Variants in DNAI4 observed in about 807,000 individuals in gnomAD.
DNAI4 encodes WD repeat domain 78.
A neutral mutation model predicts 105.8 loss-of-function variants in DNAI4; 85 were observed. The ratio of observed to expected loss-of-function variants is 0.80; its 90% CI spans 0.67 to 0.96. The LOEUF (loss-of-function observed/expected upper bound fraction) is 0.96, where lower values mean the gene tolerates loss of function less well. DNAI4 is among the 40% of genes least tolerant of loss of function. DNAI4 has a pLI of 0.00. For missense variants in DNAI4, 1,014 were observed against 1,005.6 expected, an observed-to-expected ratio of 1.01 and a Z score of -0.11; for synonymous variants, 352 against 331.5, an observed-to-expected ratio of 1.06 and a Z score of -0.67.
chr1:66,819,798 A>T (rs1490819211), intron 16 of DNAI4, among the ~76,000 whole-genome samples: 1 of 152,144 alleles, frequency 6.6e-6, no homozygotes, highest in Non-Finnish European at 1.5e-5. Context: ...AAATTTTCAA[A>T]CAACTCAAAC....
chr1:66,875,053 C>G, intron 4 of DNAI4, 116 bp from the exon 5 acceptor site: 1 of 1,002,724 alleles, frequency 1.0e-6, no homozygotes, highest in Non-Finnish European at 1.4e-6. Flanking sequence ...TTTATATAGT[C>G]AAGGAACAGG....
At chr1:66,905,076 A>T in intron 2 of DNAI4, 125 bp downstream of exon 2, 1 of 762,578 alleles carries the variant, frequency 1.3e-6, no homozygotes, top group Non-Finnish European at 1.9e-6. Context: ...GGTAAAAATT[A>T]ACAAAATCAG....
intron 13 of DNAI4, 88 bp from the exon 14 acceptor site, chr1:66,827,998 A>T: frequency 1.2e-6 from 1 of 807,538 alleles, no homozygotes; most frequent in Non-Finnish European, 1.9e-6. Flanking sequence ...GATCTATTAA[A>T]ATCAATTCAA....
chr1:66,868,475 G>A (rs1646776459), intron 6 of DNAI4, among the ~76,000 whole-genome samples: 1 of 152,166 alleles, frequency 6.6e-6, no homozygotes, highest in African/African-American at 2.4e-5. Context: ...TCTCTCCAAT[G>A]TGGTGGGCAT....
At chr1:66,830,978 A>C (rs1025723285) in intron 13 of DNAI4, among the ~76,000 whole-genome samples, 6 of 145,458 alleles carry the variant, frequency 4.1e-5, no homozygotes, top group Admixed American at 4.1e-4. Flanking sequence ...CTCTGTCACA[A>C]AAAAAAAAAA....
chr1:66,817,053 G>A (rs771867513), intron 16 of DNAI4, among the ~76,000 whole-genome samples: 15 of 151,768 alleles, frequency 9.9e-5, no homozygotes, highest in Non-Finnish European at 1.8e-4. Context: ...TTTTTTAAAT[G>A]TATTCAAAAT....
chr1:66,902,086 G>C (rs1374697016), intron 2 of DNAI4, among the ~76,000 whole-genome samples: 1 of 152,118 alleles, frequency 6.6e-6, no homozygotes, highest in Non-Finnish European at 1.5e-5. Flanking sequence ...TCCTGCCTCA[G>C]CTTCTCAAAG....
intron 15 of DNAI4, among the ~76,000 whole-genome samples, chr1:66,823,467 C>G (rs1159351476): frequency 6.7e-6 from 1 of 150,042 alleles, no homozygotes; most frequent in Admixed American, 6.6e-5. Context: ...AGTTCTAGAT[C>G]CCTGAGGAAT....
intron 2 of DNAI4, among the ~76,000 whole-genome samples, chr1:66,895,603 A>C (rs180708165): frequency 6.6e-6 from 1 of 151,972 alleles, no homozygotes; most frequent in Admixed American, 6.5e-5. Context: ...TTTCTTACCA[A>C]TTTGAACTGA....
intron 6 of DNAI4, among the ~76,000 whole-genome samples, chr1:66,866,220 T>C (rs191784605): frequency 2.6e-4 from 39 of 151,572 alleles, no homozygotes; most frequent in Admixed American, 2.2e-3. Flanking sequence ...GGCAGGAGAA[T>C]CACTCGAATC....
At chr1:66,864,382 C>T (rs1401382742) in intron 6 of DNAI4, among the ~76,000 whole-genome samples, 1 of 152,018 alleles carries the variant, frequency 6.6e-6, no homozygotes, top group African/African-American at 2.4e-5. Context: ...AGAAAAGAAG[C>T]ATTCCAAACT....
At position 66,847,567 on chromosome 1, in the gene DNAI4, T is replaced by A; in HGVS notation, c.1208A>T (p.Asp403Val). The A allele has an allele frequency of 6.2e-7, 1 of 1,614,022 alleles. No homozygotes were observed. Among genetic ancestry groups the A allele is most frequent in the South Asian group, 1.1e-5 (1 of 91,052 alleles). Residue 403 changes from aspartate (D) to valine (V), a missense_variant, in exon 8 of 17, where the codon GAC (aspartate) becomes GTC (valine). Asp to Val is a radical substitution (Grantham distance 152). Transcript: ENST00000371026. ...CAGAACCCGTTCCATAAAAAATAAG[T>A]CCTGATGAAATTTGTCAGATTTTAA... ...AILKSDKFHQDLFFMERVLME... is the reference protein window; with the variant it reads ...AILKSDKFHQVLFFMERVLME...
At chr1:66,862,947 C>A (rs2100611513) in intron 6 of DNAI4, among the ~76,000 whole-genome samples, 1 of 152,270 alleles carries the variant, frequency 6.6e-6, no homozygotes, top group South Asian at 2.1e-4. Flanking sequence ...CATCTGATTC[C>A]ATTTTTATCA....
At chr1:66,836,256 GAAAGAAAGAAAGAAA>G (rs1646008745) in intron 10 of DNAI4, among the ~76,000 whole-genome samples, 4 of 14,128 alleles carry the variant, frequency 2.8e-4, no homozygotes, top group African/African-American at 7.4e-4. Flanking sequence ...GAGAGAGAGA[GAAAGAAAGAAAGAAA>G]GAAAGAAAGA....
chr1:66,887,238 T>A (rs1427138651), intron 4 of DNAI4, among the ~76,000 whole-genome samples: 3 of 152,192 alleles, frequency 2.0e-5, no homozygotes, highest in Non-Finnish European at 4.4e-5. Context: ...GTTCCTCCAG[T>A]TTATGGTAAG....
chr1:66,835,799 T>G, intron 10 of DNAI4, 22 bp from the exon 11 acceptor site: 8 of 1,569,806 alleles, frequency 5.1e-6, no homozygotes, highest in South Asian at 1.1e-5. Context: ...AAAATTACAT[T>G]TTCAATTTGT....
At chr1:66,896,272 T>G (rs1648331313) in intron 2 of DNAI4, among the ~76,000 whole-genome samples, 1 of 152,248 alleles carries the variant, frequency 6.6e-6, no homozygotes, top group Admixed American at 6.5e-5. Context: ...AAAGCTTTTT[T>G]ACATTTTACC....
In DNAI4 at chr1:66,837,136, C is replaced by T. The variant is rs1010351648; in HGVS notation, c.1581+574G>A. ...ATCCCAGCACTTTGGGAAGCCAAGG[C>T]GGCTGGATCATGAGGTCAAGAGATC... On this transcript the variant is annotated intron_variant, in intron 10 of 16. Transcript: ENST00000371026. 2.6e-5 allele frequency among the ~76,000 whole-genome samples: 4 copies of T among 152,034 alleles called. No individual in the cohort carries two copies. The South Asian group carries it at 8.3e-4, about 31-fold the overall frequency.
At chr1:66,861,685 G>A (rs982125094) in intron 7 of DNAI4, among the ~76,000 whole-genome samples, 29 of 152,228 alleles carry the variant, frequency 1.9e-4, no homozygotes, top group Non-Finnish European at 3.8e-4. Context: ...CAGTATCCCC[G>A]GTAGATGCCC....
Sources: allele counts gnomAD v4.1 joint callset (sites outside exome capture counted in the v4.1 genomes callset), GRCh38; gene constraint gnomAD v4.1.1; transcripts MANE v1.5; gene names NCBI Gene and HGNC (gene_info 2026-07-23, HGNC 2026-07-21).